DIAPH2: variants seen among roughly 807,000 people sequenced by gnomAD.
The protein encoded by DIAPH2 is diaphanous related formin 2.
DIAPH2 carries 35 observed loss-of-function variants against 92.7 expected under a neutral mutation model. The ratio of observed to expected loss-of-function variants is 0.38; its 90% confidence interval spans 0.29 to 0.50. The LOEUF (loss-of-function observed/expected upper bound fraction) is 0.50. Ranked by LOEUF, DIAPH2 falls within the 20% of genes least tolerant of loss-of-function variation. The pLI is 0.94. For synonymous variants in DIAPH2, 301 were observed against 280.4 expected, an observed-to-expected ratio of 1.07 and a Z score of -0.73; for missense variants, 701 against 819.5, an observed-to-expected ratio of 0.86 and a Z score of 1.77.
At chrX:97,411,427 G>A (rs1325340127) in intron 25 of DIAPH2, among the ~76,000 whole-genome samples, 1 of 111,826 alleles carries the variant, frequency 8.9e-6, no homozygotes. Flanking sequence ...AGGAACAACT[G>A]GTACCAGCCA....
chrX:97,188,917 A>G (rs1234692817), intron 22 of DIAPH2, among the ~76,000 whole-genome samples: 1 of 112,236 alleles, frequency 8.9e-6, no homozygotes, highest in Non-Finnish European at 1.9e-5. Context: ...TTCTTGCTTT[A>G]GAAGTGCTAC....
chrX:97,039,284 A>C (rs2066432628), intron 17 of DIAPH2, among the ~76,000 whole-genome samples: 1 of 110,978 alleles, frequency 9.0e-6, no homozygotes, highest in Non-Finnish European at 1.9e-5. Flanking sequence ...TTATTTCTTT[A>C]ATTATATTTA....
intron 20 of DIAPH2, among the ~76,000 whole-genome samples, chrX:97,102,496 A>G (rs1421760914): frequency 8.9e-6 from 1 of 111,753 alleles, no homozygotes; most frequent in Non-Finnish European, 1.9e-5. Flanking sequence ...TATCATTAAC[A>G]TTATTGTTGT....
intron 17 of DIAPH2, among the ~76,000 whole-genome samples, chrX:96,996,138 A>G (rs1350447566): frequency 8.9e-6 from 1 of 112,013 alleles, no homozygotes; most frequent in Non-Finnish European, 1.9e-5. Context: ...ATTCTCCAGT[A>G]AGTTTCTCCA....
chrX:96,993,893 A>G (rs993713888), intron 17 of DIAPH2, among the ~76,000 whole-genome samples: 2 of 111,804 alleles, frequency 1.8e-5, no homozygotes, highest in African/African-American at 6.5e-5. Flanking sequence ...TCAGGGCAGA[A>G]GAAACTACAT....
intron 17 of DIAPH2, among the ~76,000 whole-genome samples, chrX:96,979,080 A>C (rs6615879): frequency 0.097 from 10,784 of 111,348 alleles, 537 homozygotes; most frequent in East Asian, 0.32. Context: ...TAAGGAAGTC[A>C]CAGTCTTTTA....
chrX:96,735,480 T>G (rs1035756025), intron 1 of DIAPH2, among the ~76,000 whole-genome samples: 8 of 111,661 alleles, frequency 7.2e-5, no homozygotes, highest in Admixed American at 4.8e-4. Flanking sequence ...TTCTCACATT[T>G]CAGCACTGTG....
chrX:97,466,173 C>T, intron 26 of DIAPH2, among the ~76,000 whole-genome samples: 1 of 111,855 alleles, frequency 8.9e-6, no homozygotes, highest in South Asian at 3.8e-4. Flanking sequence ...AAGTCAAAGA[C>T]TTGCTGTCAT....
chrX:96,944,378 A>G (rs950902105), intron 13 of DIAPH2, among the ~76,000 whole-genome samples: 1 of 111,995 alleles, frequency 8.9e-6, no homozygotes, highest in East Asian at 2.8e-4. Flanking sequence ...CATTTGATGT[A>G]AGAAAAACTA....
intron 26 of DIAPH2, among the ~76,000 whole-genome samples, chrX:97,583,906 G>A (rs980628243): frequency 1.3e-4 from 15 of 112,432 alleles, no homozygotes; most frequent in Admixed American, 7.4e-4. Context: ...TCGGAAAAGC[G>A]CAGTATTCGG....
chrX:97,494,335 C>A (rs967880645), intron 26 of DIAPH2, among the ~76,000 whole-genome samples: 2 of 109,982 alleles, frequency 1.8e-5, no homozygotes, highest in Admixed American at 1.9e-4. Context: ...TAAATAAATA[C>A]ATACATAATT....
intron 26 of DIAPH2, among the ~76,000 whole-genome samples, chrX:97,465,347 AG>A (rs1260392724): frequency 2.7e-5 from 3 of 111,559 alleles, no homozygotes; most frequent in Non-Finnish European, 5.6e-5. Context: ...TCATATCCGT[AG>A]ATTCTACATT....
chrX:97,418,990 C>T (rs943014317), intron 25 of DIAPH2, among the ~76,000 whole-genome samples: 23 of 111,715 alleles, frequency 2.1e-4, no homozygotes, highest in Non-Finnish European at 3.8e-5. Context: ...CCTCCTTCCA[C>T]CTGTGATGAG....
At chrX:96,807,896 G>C (rs746899831) in intron 4 of DIAPH2, among the ~76,000 whole-genome samples, 120 of 86,631 alleles carry the variant, frequency 1.4e-3, no homozygotes, top group African/African-American at 4.8e-3. Flanking sequence ...CTATTGGGGA[G>C]GATGGAACTC....
At chrX:97,539,406 C>T (rs1211828849) in intron 26 of DIAPH2, among the ~76,000 whole-genome samples, 4 of 111,963 alleles carry the variant, frequency 3.6e-5, no homozygotes, top group African/African-American at 9.7e-5. Context: ...TGATACCGAC[C>T]TTCAAATATT....
rs56309139 is a variant in DIAPH2, at chrX:97,312,345, CTTTTTTTTTTTTTTTT to C, written c.2845-35759_2845-35744del. Among the ~76,000 whole-genome samples the C allele has an allele frequency of 1.1e-4, 6 of 54,945 alleles. No individual in the cohort carries two copies. The Admixed American group carries it at 1.4e-3, about 13-fold the overall frequency. 47.7% of individuals were successfully genotyped at this position (54,945 alleles called of 115,157 possible). A position where few individuals can be genotyped will look rare whatever the true frequency, so the allele number is the denominator to read the frequency against. ...TTGATCACTTTTGATCAATAGAATC[CTTTTTTTTTTTTTTTT>C]TTTTTTTTTTTGAGATGGAGCTCTG... On this transcript the variant is annotated intron_variant, in intron 23 of 26. Transcript: ENST00000324765.
At chrX:97,380,206 A>G (rs1488093056) in intron 24 of DIAPH2, among the ~76,000 whole-genome samples, 1 of 111,383 alleles carries the variant, frequency 9.0e-6, no homozygotes, top group African/African-American at 3.3e-5. Flanking sequence ...CAGATATGCC[A>G]GTAAAACTGA....
intron 23 of DIAPH2, among the ~76,000 whole-genome samples, chrX:97,302,508 G>T (rs1258814599): frequency 2.7e-5 from 3 of 110,257 alleles, no homozygotes; most frequent in African/African-American, 9.9e-5. Context: ...TCCAGCCTGG[G>T]CAGCAAGAGC....
chrX:96,885,184 TAAA>T (rs1006658486), intron 5 of DIAPH2: 1 of 638,947 alleles, frequency 1.6e-6, no homozygotes, highest in Non-Finnish European at 2.2e-6. Context: ...GAAGTAGGAC[TAAA>T]AAAAAAAATC....
Sources: gnomAD v4.1 joint callset for allele counts (sites outside exome capture counted in the v4.1 genomes callset) on GRCh38, gnomAD v4.1.1 for gene constraint, MANE v1.5 for transcripts, NCBI Gene and HGNC (gene_info 2026-07-23, HGNC 2026-07-21) for gene names.